The following TRIM44 variants were observed in gnomAD, a reference collection of about 807,000 sequenced individuals.
TRIM44 encodes the protein tripartite motif containing 44, also known as tripartite motif-containing protein 44.
A neutral mutation model predicts 37.4 loss-of-function variants in TRIM44; 13 were observed. The ratio of observed to expected loss-of-function variants is 0.35; its 90% CI spans 0.23 to 0.55. The LOEUF (loss-of-function observed/expected upper bound fraction) is 0.55. Ranked by LOEUF, TRIM44 falls within the 20% of genes least tolerant of loss-of-function variation. The pLI, the probability that TRIM44 is intolerant of heterozygous loss-of-function variation, is 0.89. For synonymous variants in TRIM44, 175 were observed against 157.2 expected (o/e 1.11, Z -0.85); for missense variants, 426 against 437.2 (o/e 0.97, Z 0.23).
intron 2 of TRIM44, among the ~76,000 whole-genome samples, chr11:35,710,659 G>A (rs1851958558): frequency 6.6e-6 from 1 of 152,168 alleles, no homozygotes; most frequent in Non-Finnish European, 1.5e-5. Context: ...TAACATAAAA[G>A]AGTTTCTAGT....
chr11:35,765,793 A>G (rs140395048), intron 4 of TRIM44, among the ~76,000 whole-genome samples: 1,888 of 152,284 alleles, frequency 0.012, 42 homozygotes, highest in African/African-American at 0.044. Flanking sequence ...TTTCTGTGCA[A>G]TCTGATAGAA....
intron 4 of TRIM44, among the ~76,000 whole-genome samples, chr11:35,775,736 T>G (rs535281390): frequency 6.6e-6 from 1 of 152,300 alleles, no homozygotes; most frequent in Non-Finnish European, 1.5e-5. Context: ...ATCATTTGGT[T>G]TTTGTCTTTG....
intron 4 of TRIM44, among the ~76,000 whole-genome samples, chr11:35,763,944 T>C (rs1396192576): frequency 6.6e-6 from 1 of 152,192 alleles, no homozygotes; most frequent in Non-Finnish European, 1.5e-5. Context: ...CTTTATATGC[T>C]TCCATTAGCA....
chr11:35,719,579 A>T (rs536399801), intron 2 of TRIM44, among the ~76,000 whole-genome samples: 1 of 152,234 alleles, frequency 6.6e-6, no homozygotes, highest in Admixed American at 6.5e-5. Context: ...TGTTTTGTTC[A>T]TGGGTACTAA....
intron 4 of TRIM44, among the ~76,000 whole-genome samples, chr11:35,797,369 G>A (rs904827679): frequency 6.6e-6 from 1 of 152,196 alleles, no homozygotes; most frequent in Non-Finnish European, 1.5e-5. Flanking sequence ...TCCACATAAT[G>A]TATGTAGATA....
At chr11:35,767,453 C>T (rs1852812615) in intron 4 of TRIM44, among the ~76,000 whole-genome samples, 1 of 152,142 alleles carries the variant, frequency 6.6e-6, no homozygotes, top group Middle Eastern at 3.4e-3. Context: ...TACTCTGTTC[C>T]AGGATGGAGA....
Position 35,663,740 on chromosome 11 carries a change from A to G in TRIM44, c.629A>G (p.His210Arg). ...LCPVIGAHQG[H>R]QLSTLDEAFE... ...CCAGTCATTGGGGCTCACCAGGGCC[A>G]CCAACTCTCCACCCTAGACGAAGCC... Residue 210 changes from histidine to arginine, a missense_variant, in exon 1 of 5, where the codon CAC becomes CGC. This residue lies in a region of TRIM44 where 331 missense variants were observed against 303.0 expected (regional missense o/e 1.09). Coordinates refer to ENST00000299413, the MANE Select transcript of TRIM44 (RefSeq NM_017583.6). 5 of 1,614,112 alleles carry G rather than the reference A, an allele frequency of 3.1e-6. No individual in the cohort carries two copies. The highest frequency in any genetic ancestry group is 1.1e-5 in the South Asian group (1 of 91,066).
At chr11:35,683,856 CA>C (rs1173789989) in intron 1 of TRIM44, among the ~76,000 whole-genome samples, 1 of 151,452 alleles carries the variant, frequency 6.6e-6, no homozygotes, top group Non-Finnish European at 1.5e-5. Context: ...TACAGGGATA[CA>C]AAAAAATACA....
At chr11:35,766,927 G>C (rs1852805654) in intron 4 of TRIM44, among the ~76,000 whole-genome samples, 1 of 152,196 alleles carries the variant, frequency 6.6e-6, no homozygotes, top group Non-Finnish European at 1.5e-5. Flanking sequence ...TTATGTTAGA[G>C]ATGGAAACAA....
At chr11:35,783,661 T>C (rs1355457459) in intron 4 of TRIM44, among the ~76,000 whole-genome samples, 2 of 152,188 alleles carry the variant, frequency 1.3e-5, no homozygotes, top group East Asian at 3.9e-4. Flanking sequence ...CTTGTGTGTG[T>C]GCATATGTTT....
At chr11:35,712,666 A>C (rs1460121783) in intron 2 of TRIM44, among the ~76,000 whole-genome samples, 2 of 152,132 alleles carry the variant, frequency 1.3e-5, no homozygotes, top group African/African-American at 4.8e-5. Context: ...TCCTCTCTGC[A>C]CTGACAGGAG....
intron 1 of TRIM44, 120 bp downstream of exon 1, chr11:35,663,900 C>A: frequency 8.2e-7 from 1 of 1,219,246 alleles, no homozygotes; most frequent in Non-Finnish European, 1.1e-6. Flanking sequence ...GTCTTTCCAA[C>A]TTTTTGGGAG....
At chr11:35,735,655 T>G (rs1444968173) in intron 4 of TRIM44, among the ~76,000 whole-genome samples, 1 of 152,186 alleles carries the variant, frequency 6.6e-6, no homozygotes, top group Non-Finnish European at 1.5e-5. Context: ...GATAAGTAAC[T>G]TTGTTGTATT....
intron 4 of TRIM44, among the ~76,000 whole-genome samples, chr11:35,755,106 T>C (rs565839515): frequency 6.6e-6 from 1 of 152,206 alleles, no homozygotes; most frequent in Non-Finnish European, 1.5e-5. Flanking sequence ...GTTGGACTAG[T>C]TTACACTCCC....
At chr11:35,795,759 A>G (rs1853275750) in intron 4 of TRIM44, among the ~76,000 whole-genome samples, 2 of 152,126 alleles carry the variant, frequency 1.3e-5, no homozygotes, top group African/African-American at 4.8e-5. Context: ...AATATTCAGG[A>G]GCCAGAAACT....
At chr11:35,739,590 G>A (rs1410657675) in intron 4 of TRIM44, among the ~76,000 whole-genome samples, 2 of 152,138 alleles carry the variant, frequency 1.3e-5, no homozygotes, top group African/African-American at 4.8e-5. Flanking sequence ...TCATTATAAA[G>A]GGAATGTCTT....
intron 4 of TRIM44, among the ~76,000 whole-genome samples, chr11:35,742,542 TTAA>T (rs1017006559): frequency 8.0e-6 from 1 of 125,328 alleles, no homozygotes; most frequent in Non-Finnish European, 1.5e-5. Flanking sequence ...TATAATTATA[TTAA>T]TTATATTAAT....
chr11:35,766,341 G>A (rs975694355), intron 4 of TRIM44, among the ~76,000 whole-genome samples: 1 of 152,124 alleles, frequency 6.6e-6, no homozygotes, highest in Non-Finnish European at 1.5e-5. Flanking sequence ...GTTGGGGTTG[G>A]GAATTTATCT....
chr11:35,725,387 G>A (rs1268956867), intron 2 of TRIM44, among the ~76,000 whole-genome samples: 2 of 152,144 alleles, frequency 1.3e-5, no homozygotes, highest in African/African-American at 4.8e-5. Context: ...AGGGTGGAGT[G>A]CAGTGGTGCG....
Sources: gnomAD v4.1 joint callset for allele counts (sites outside exome capture counted in the v4.1 genomes callset) on GRCh38, gnomAD v4.1.1 for gene constraint, gnomAD v4.1.1 regional missense constraint, MANE v1.5 for transcripts, NCBI Gene and HGNC (gene_info 2026-07-23, HGNC 2026-07-21) for gene names.